The following ELP4 variants were observed in gnomAD, a reference collection of about 807,000 sequenced individuals.
ELP4 encodes the protein elongator complex protein 4.
Under a neutral mutation model 48.9 loss-of-function variants are expected in ELP4, and 51 were observed. The ratio of observed to expected loss-of-function variants is 1.04; its 90% CI spans 0.83 to 1.32. The LOEUF (loss-of-function observed/expected upper bound fraction) is 1.32, where lower values mean the gene tolerates loss of function less well. Ranked by LOEUF, ELP4 falls within the 40% of genes most tolerant of loss-of-function variation. The pLI is 0.00. For missense variants in ELP4, 519 were observed against 514.6 expected (o/e 1.01, Z -0.08); for synonymous variants, 210 against 189.2 (o/e 1.11, Z -0.90).
intron 4 of ELP4, among the ~76,000 whole-genome samples, chr11:31,595,622 C>G (rs1342802876): frequency 6.6e-6 from 1 of 152,156 alleles, no homozygotes. Context: ...GTGTATGATA[C>G]CTTTAACTTC....
chr11:31,668,503 T>TC (rs1322056089), intron 9 of ELP4, among the ~76,000 whole-genome samples: 9 of 151,328 alleles, frequency 5.9e-5, no homozygotes, highest in African/African-American at 2.2e-4. Context: ...TTTTTTTTTT[T>TC]CCCCAAGAGA....
intron 9 of ELP4, among the ~76,000 whole-genome samples, chr11:31,659,926 A>G (rs1258354752): frequency 6.6e-6 from 1 of 152,154 alleles, no homozygotes; most frequent in Non-Finnish European, 1.5e-5. Context: ...CAGGAGGTGG[A>G]GGTTGCAGTG....
chr11:31,569,141 G>A (rs1957157497), intron 3 of ELP4, among the ~76,000 whole-genome samples: 1 of 151,824 alleles, frequency 6.6e-6, no homozygotes, highest in Admixed American at 6.6e-5. Flanking sequence ...ACCTCAGATT[G>A]TAACAATCCC....
At chr11:31,757,641 C>T (rs1176374043) in intron 9 of ELP4, among the ~76,000 whole-genome samples, 1 of 152,128 alleles carries the variant, frequency 6.6e-6, no homozygotes, top group African/African-American at 2.4e-5. Context: ...AAGTTGAAAA[C>T]ACTTATGCAT....
chr11:31,552,075 C>G (rs1255431545), intron 3 of ELP4, among the ~76,000 whole-genome samples: 1 of 152,138 alleles, frequency 6.6e-6, no homozygotes, highest in Non-Finnish European at 1.5e-5. Context: ...ATCTGACTTG[C>G]CTCATCAATA....
chr11:31,687,029 G>A (rs2134132414), intron 9 of ELP4, among the ~76,000 whole-genome samples: 1 of 152,198 alleles, frequency 6.6e-6, no homozygotes, highest in South Asian at 2.1e-4. Flanking sequence ...TTAGACATGA[G>A]ATAAAATCAA....
intron 9 of ELP4, among the ~76,000 whole-genome samples, chr11:31,725,428 C>T (rs1196656716): frequency 1.3e-5 from 2 of 152,162 alleles, no homozygotes; most frequent in Non-Finnish European, 2.9e-5. Context: ...CATGGTCATG[C>T]AAGCTGCTCC....
intron 9 of ELP4, among the ~76,000 whole-genome samples, chr11:31,687,113 A>G (rs1946177673): frequency 6.6e-6 from 1 of 152,136 alleles, no homozygotes; most frequent in Non-Finnish European, 1.5e-5. Flanking sequence ...GGGTGACTAG[A>G]TGAGGTTGGT....
chr11:31,615,826 A>G (rs941707520), intron 5 of ELP4, among the ~76,000 whole-genome samples: 2 of 151,944 alleles, frequency 1.3e-5, no homozygotes, highest in African/African-American at 4.8e-5. Context: ...TACCTCTTTA[A>G]TTGCATACCT....
At position 31,647,752 on chromosome 11, in the gene ELP4, T is replaced by C; in HGVS notation, c.939T>C (p.Ile313=). 1 of 1,606,628 alleles carries C rather than the reference T, an allele frequency of 6.2e-7. No individual in the cohort carries two copies. Among genetic ancestry groups the C allele is most frequent in the Non-Finnish European group, 8.5e-7 (1 of 1,174,202 alleles). Residue 313 remains isoleucine, a synonymous_variant, in exon 8 of 10, where the codon ATT becomes ATC. Transcript: ENST00000640961. ...MPTHLIQNKA[I]IARVTTLSDV... ...TCCATGTTTTGCAGAATAAAGCCAT[T>C]ATTGCCCGTGTCACAACCTTGTCAG...
At chr11:31,548,188 G>C (rs1013529261) in intron 3 of ELP4, among the ~76,000 whole-genome samples, 1 of 152,188 alleles carries the variant, frequency 6.6e-6, no homozygotes, top group Non-Finnish European at 1.5e-5. Context: ...AAAAGAGGAA[G>C]TCAAATTGTC....
At chr11:31,562,539 C>G (rs920639798) in intron 3 of ELP4, among the ~76,000 whole-genome samples, 1 of 152,026 alleles carries the variant, frequency 6.6e-6, no homozygotes. Flanking sequence ...ATGTGATTGC[C>G]AAATAACAAG....
intron 9 of ELP4, among the ~76,000 whole-genome samples, chr11:31,672,218 C>T (rs1565105280): frequency 6.6e-6 from 1 of 152,164 alleles, no homozygotes; most frequent in African/African-American, 2.4e-5. Context: ...ATGGAGCCAG[C>T]ATAACTGTAC....
rs550429295 is a variant in ELP4 at position 31,531,913 on chromosome 11, G to T, written c.260-7749G>T. Among the ~76,000 whole-genome samples the T allele has an allele frequency of 1.1e-4, 17 of 152,292 alleles. No individual in the cohort carries two copies. The South Asian group carries it at 3.5e-3, about 32-fold the overall frequency. On this transcript the variant is annotated intron_variant, in intron 2 of 9. Coordinates refer to ENST00000640961, the MANE Select transcript of ELP4 (RefSeq NM_019040.5). ...ATTGAACTACATTATTGTCAGTAAA[G>T]ATGGAAGGAAGTGGATGGATTTTAA...
intron 9 of ELP4, among the ~76,000 whole-genome samples, chr11:31,656,898 T>C (rs1175594561): frequency 2.0e-5 from 3 of 152,084 alleles, no homozygotes; most frequent in Admixed American, 6.6e-5. Flanking sequence ...GTAGAACTGC[T>C]GTAGCGGAAT....
chr11:31,763,642 T>C, intron 9 of ELP4: 1 of 1,300,094 alleles, frequency 7.7e-7, no homozygotes, highest in South Asian at 2.0e-5. Context: ...TAGTTTAAGG[T>C]GTTCACATAC....
chr11:31,579,468 A>G (rs535171713), intron 3 of ELP4, among the ~76,000 whole-genome samples: 1 of 152,312 alleles, frequency 6.6e-6, no homozygotes, highest in Admixed American at 6.5e-5. Context: ...TCATGCTGCT[A>G]TAAAGACACA....
At chr11:31,661,987 C>A (rs1945567468) in intron 9 of ELP4, among the ~76,000 whole-genome samples, 1 of 152,076 alleles carries the variant, frequency 6.6e-6, no homozygotes, top group South Asian at 2.1e-4. Context: ...AAGAATCATC[C>A]TATTGACCTC....
chr11:31,526,383 C>T (rs959733321), intron 2 of ELP4, among the ~76,000 whole-genome samples: 10 of 151,994 alleles, frequency 6.6e-5, no homozygotes, highest in Admixed American at 4.6e-4. Flanking sequence ...TGATCTCTAA[C>T]GTCAAGTAGG....
Sources: gnomAD v4.1 joint callset for allele counts (sites outside exome capture counted in the v4.1 genomes callset) on GRCh38, gnomAD v4.1.1 for gene constraint, MANE v1.5 for transcripts, NCBI Gene and HGNC (gene_info 2026-07-23, HGNC 2026-07-21) for gene names.